RHOJ: variants seen among roughly 807,000 people sequenced by gnomAD.
RHOJ encodes ras homolog family member J.
RHOJ carries 11 observed loss-of-function variants against 23.4 expected under a neutral mutation model. The observed-to-expected ratio is 0.47, with a 90% CI of 0.30 to 0.78. The LOEUF (loss-of-function observed/expected upper bound fraction) is 0.78, where lower values mean the gene tolerates loss of function less well. Ranked by LOEUF, RHOJ falls within the 30% of genes least tolerant of loss-of-function variation. RHOJ has a pLI of 0.08. For missense variants in RHOJ, 254 were observed against 273.4 expected (o/e 0.93, Z 0.50); for synonymous variants, 102 against 102.7 (o/e 0.99, Z 0.04).
chr14:63,260,205 AAATGCAC>A (rs1337364074), intron 1 of RHOJ, among the ~76,000 whole-genome samples: 1 of 152,186 alleles, frequency 6.6e-6, no homozygotes, highest in Non-Finnish European at 1.5e-5. Context: ...CCACATTCTC[AAATGCAC>A]AATATTTTCT....
At chr14:63,237,941 T>C (rs943469473) in intron 1 of RHOJ, among the ~76,000 whole-genome samples, 1 of 152,146 alleles carries the variant, frequency 6.6e-6, no homozygotes, top group African/African-American at 2.4e-5. Flanking sequence ...GCCTGGTTGT[T>C]CTCCCACCCT....
chr14:63,256,931 G>T (rs892035665), intron 1 of RHOJ, among the ~76,000 whole-genome samples: 1 of 152,090 alleles, frequency 6.6e-6, no homozygotes, highest in African/African-American at 2.4e-5. Context: ...AATTAGCCAG[G>T]CATGGTGGCA....
At chr14:63,218,237 G>A (rs1276519233) in intron 1 of RHOJ, among the ~76,000 whole-genome samples, 5 of 152,168 alleles carry the variant, frequency 3.3e-5, no homozygotes, top group Non-Finnish European at 5.9e-5. Context: ...AATTAGAAAT[G>A]CCTATGAAGC....
At chr14:63,229,280 T>C (rs1402565587) in intron 1 of RHOJ, among the ~76,000 whole-genome samples, 1 of 152,232 alleles carries the variant, frequency 6.6e-6, no homozygotes, top group Non-Finnish European at 1.5e-5. Context: ...ATGTTAGTAT[T>C]ATGTATTCAT....
chr14:63,278,040 C>T (rs1881789045), intron 2 of RHOJ, among the ~76,000 whole-genome samples: 1 of 151,588 alleles, frequency 6.6e-6, no homozygotes, highest in African/African-American at 2.4e-5. Flanking sequence ...ACCCAGTAGA[C>T]CTGGCACAAC....
chr14:63,266,366 G>A (rs553944943), intron 1 of RHOJ, among the ~76,000 whole-genome samples: 24 of 152,232 alleles, frequency 1.6e-4, no homozygotes, highest in African/African-American at 3.4e-4. Flanking sequence ...ACCCAGCCCC[G>A]CTTCCCATCA....
At chr14:63,212,925 C>T (rs778274597) in intron 1 of RHOJ, among the ~76,000 whole-genome samples, 5 of 152,164 alleles carry the variant, frequency 3.3e-5, no homozygotes, top group Admixed American at 2.6e-4. Context: ...AATAGTTTTA[C>T]AAAATGTTTT....
intron 1 of RHOJ, among the ~76,000 whole-genome samples, chr14:63,229,473 T>C (rs1224270960): frequency 1.3e-5 from 2 of 152,194 alleles, no homozygotes; most frequent in African/African-American, 2.4e-5. Flanking sequence ...TGGAGAAGAA[T>C]CTGCTTCTAA....
In RHOJ at chr14:63,221,644, A is replaced by G. The variant is rs74586638; in HGVS notation, c.178+16597A>G. On this transcript the variant is annotated intron_variant, in intron 1 of 4. Coordinates refer to ENST00000316754, the MANE Select transcript of RHOJ (RefSeq NM_020663.5). Reference sequence around the variant, plus strand: ...CCCAAGGAGTTCATTTTAAACTCCAAAATGAGAAATTTAAACTAGACAGTT... The same window carrying G: ...CCCAAGGAGTTCATTTTAAACTCCAGAATGAGAAATTTAAACTAGACAGTT... 7.3e-3 allele frequency among the ~76,000 whole-genome samples: 1,116 copies of G among 152,324 alleles called. 14 individuals are homozygous for G. Among genetic ancestry groups the G allele is most frequent in the African/African-American group, 0.026 (1,069 of 41,566 alleles).
intron 1 of RHOJ, among the ~76,000 whole-genome samples, chr14:63,264,041 G>C (rs1594771020): frequency 6.6e-6 from 1 of 151,156 alleles, no homozygotes; most frequent in South Asian, 2.1e-4. Context: ...CTGTAGGTTT[G>C]TTCCATGGGT....
intron 4 of RHOJ, among the ~76,000 whole-genome samples, chr14:63,289,808 TATC>T (rs1187767625): frequency 2.0e-5 from 3 of 152,220 alleles, no homozygotes; most frequent in African/African-American, 7.2e-5. Flanking sequence ...TGAAATACCT[TATC>T]ATTTAAATAT....
At chr14:63,238,222 TTTTGTTTGCTTGTTTA>T (rs1451003121) in intron 1 of RHOJ, among the ~76,000 whole-genome samples, 2 of 152,194 alleles carry the variant, frequency 1.3e-5, no homozygotes, top group African/African-American at 4.8e-5. Flanking sequence ...AGCTCCTGTG[TTTTGTTTGCTTGTTTA>T]TTTGTTTGCT....
intron 1 of RHOJ, 143 bp from the exon 2 acceptor site, chr14:63,268,967 A>T (rs1228172190): frequency 5.0e-6 from 3 of 605,386 alleles, no homozygotes; most frequent in Non-Finnish European, 8.8e-6. Flanking sequence ...TATGCTGTCA[A>T]CTTGGTTTAG....
At chr14:63,217,643 G>A (rs1021322789) in intron 1 of RHOJ, among the ~76,000 whole-genome samples, 5 of 152,158 alleles carry the variant, frequency 3.3e-5, no homozygotes, top group African/African-American at 1.2e-4. Flanking sequence ...AGGACTTCAT[G>A]TCTAAAACAC....
chr14:63,221,157 C>T (rs975656234), intron 1 of RHOJ, among the ~76,000 whole-genome samples: 3 of 152,062 alleles, frequency 2.0e-5, no homozygotes, highest in East Asian at 1.9e-4. Context: ...GAGGAGACCC[C>T]GTCTCTACAA....
At chr14:63,240,012 T>C (rs1894855565) in intron 1 of RHOJ, among the ~76,000 whole-genome samples, 2 of 152,212 alleles carry the variant, frequency 1.3e-5, no homozygotes, top group Non-Finnish European at 2.9e-5. Flanking sequence ...ATTTCCTTTA[T>C]AAAGTGCCAT....
intron 4 of RHOJ, among the ~76,000 whole-genome samples, chr14:63,283,746 G>C (rs1881984542): frequency 6.6e-6 from 1 of 152,206 alleles, no homozygotes; most frequent in Non-Finnish European, 1.5e-5. Flanking sequence ...ATACCAAAAA[G>C]TGACTAGCTG....
chr14:63,231,768 G>C (rs778843247), intron 1 of RHOJ, among the ~76,000 whole-genome samples: 16 of 152,188 alleles, frequency 1.1e-4, no homozygotes, highest in African/African-American at 3.1e-4. Flanking sequence ...AATATCGGTG[G>C]CTTCTGCTAT....
At chr14:63,270,476 A>G (rs1302225515) in intron 2 of RHOJ, among the ~76,000 whole-genome samples, 2 of 152,168 alleles carry the variant, frequency 1.3e-5, no homozygotes, top group African/African-American at 4.8e-5. Flanking sequence ...CGCCAATAGC[A>G]AGACATACGA....
Sources: gnomAD v4.1 joint callset for allele counts (sites outside exome capture counted in the v4.1 genomes callset) on GRCh38, gnomAD v4.1.1 for gene constraint, MANE v1.5 for transcripts, NCBI Gene and HGNC (gene_info 2026-07-23, HGNC 2026-07-21) for gene names.